NR5A2: variants seen among roughly 807,000 people sequenced by gnomAD.
NR5A2 encodes nuclear receptor subfamily 5 group A member 2.
NR5A2 carries 26 observed loss-of-function variants against 62.7 expected under a neutral mutation model. The observed-to-expected ratio is 0.41, with a 90% CI of 0.30 to 0.58. NR5A2 has a LOEUF of 0.58. Among genes scored for constraint, NR5A2 ranks in the 20% least tolerant of loss-of-function variants. The probability of loss-of-function intolerance (pLI) is 0.22; values close to 1 mark genes in which losing one functional copy is unlikely to be tolerated. For missense variants in NR5A2, 541 were observed against 669.1 expected (o/e 0.81, Z 2.11); for synonymous variants, 246 against 241.7 (o/e 1.02, Z -0.16).
chr1:200,101,428 A>T (rs1025815771), intron 5 of NR5A2, among the ~76,000 whole-genome samples: 1 of 152,172 alleles, frequency 6.6e-6, no homozygotes, highest in African/African-American at 2.4e-5. Context: ...TAGGCTATGA[A>T]GTTTGTCAAT....
rs1667767190 is a variant in NR5A2 at position 200,147,599 on chromosome 1, G to C, written c.1379-26364G>C. Reference sequence around the variant, plus strand: ...TCCTCTACACGAACGCTAGGGCAGAGCACATTTTCGCACAGGCAGCGCCGC... The same window carrying C: ...TCCTCTACACGAACGCTAGGGCAGACCACATTTTCGCACAGGCAGCGCCGC... On this transcript the variant is annotated intron_variant, in intron 7 of 7. Transcript: ENST00000367362. The surrounding 1 kb of genome is among the most constrained non-coding windows in gnomAD (Gnocchi z 4.9). 5.6e-6 allele frequency: 4 copies of C among 713,902 alleles called. No homozygotes were observed. The highest frequency in any genetic ancestry group is 1.8e-5 in the African/African-American group (1 of 56,782). 44.2% of individuals were successfully genotyped at this position (713,902 alleles called of 1,614,324 possible). A position where few individuals can be genotyped will look rare whatever the true frequency, so the allele number is the denominator to read the frequency against.
At chr1:200,110,408 T>C (rs1299489454) in intron 5 of NR5A2, among the ~76,000 whole-genome samples, 1 of 152,208 alleles carries the variant, frequency 6.6e-6, no homozygotes, top group Non-Finnish European at 1.5e-5. Flanking sequence ...CATTTGTCAT[T>C]GAAGAATGCA....
chr1:200,028,037 A>G (rs1661408213), intron 1 of NR5A2, 126 bp downstream of exon 1: 4 of 602,026 alleles, frequency 6.6e-6, no homozygotes, highest in Non-Finnish European at 8.5e-6. Context: ...AAAGCACACA[A>G]TAAGCCTATG....
At chr1:200,071,603 G>T (rs977130636) in intron 5 of NR5A2, among the ~76,000 whole-genome samples, 10 of 152,190 alleles carry the variant, frequency 6.6e-5, no homozygotes, top group Non-Finnish European at 1.3e-4. Flanking sequence ...GTTTGATCAG[G>T]TTTAGAGCAG....
chr1:200,126,523 A>G (rs947652391), intron 7 of NR5A2, among the ~76,000 whole-genome samples: 3 of 152,184 alleles, frequency 2.0e-5, no homozygotes, highest in Admixed American at 1.3e-4. Context: ...AAAAAGAAAA[A>G]AATAATGGGA....
chr1:200,031,533 A>C (rs1449879303), intron 1 of NR5A2, among the ~76,000 whole-genome samples: 1 of 151,176 alleles, frequency 6.6e-6, no homozygotes, highest in South Asian at 2.1e-4. Flanking sequence ...AAAACAAAAC[A>C]AAACAAAACA....
At chr1:200,070,022 A>G (rs1217940132) in intron 5 of NR5A2, among the ~76,000 whole-genome samples, 1 of 151,752 alleles carries the variant, frequency 6.6e-6, no homozygotes, top group South Asian at 2.1e-4. Flanking sequence ...TTTTTTTTTA[A>G]GTCGTCTTTA....
intron 7 of NR5A2, among the ~76,000 whole-genome samples, chr1:200,144,688 G>A (rs961908250): frequency 6.6e-6 from 1 of 152,142 alleles, no homozygotes; most frequent in Non-Finnish European, 1.5e-5. Flanking sequence ...GATGTTAACT[G>A]TTTATTAAGA....
chr1:200,176,404 C>T lies in NR5A2; in HGVS notation c.*2194C>T, dbSNP rs1454806458. 2 of 152,622 alleles carry T rather than the reference C, an allele frequency of 1.3e-5. No homozygotes were observed. The highest frequency in any genetic ancestry group is 3.9e-4 in the East Asian group (2 of 5,188). 9.5% of individuals were successfully genotyped at this position (152,622 alleles called of 1,614,324 possible). ...CAGTCTCAGTCACCCGTGTTATCTT[C>T]GTGGCTCAAAGGACAATGCAAAATC... On this transcript the variant is annotated 3_prime_UTR_variant, in exon 8 of 8. Coordinates refer to ENST00000367362, the MANE Select transcript of NR5A2 (RefSeq NM_205860.3).
chr1:200,117,849 G>A (rs1214376811), intron 6 of NR5A2, among the ~76,000 whole-genome samples: 1 of 151,854 alleles, frequency 6.6e-6, no homozygotes, highest in East Asian at 1.9e-4. Context: ...AAGTAGCTGG[G>A]ATTACAGGCA....
chr1:200,052,834 G>A (rs1367593485), intron 5 of NR5A2, among the ~76,000 whole-genome samples: 2 of 152,042 alleles, frequency 1.3e-5, no homozygotes, highest in African/African-American at 4.8e-5. Flanking sequence ...TAGAGACGGT[G>A]TTTCACCGTG....
At chr1:200,109,332 C>G (rs1665831631) in intron 5 of NR5A2, among the ~76,000 whole-genome samples, 1 of 152,190 alleles carries the variant, frequency 6.6e-6, no homozygotes, top group African/African-American at 2.4e-5. Context: ...CATGATCCTC[C>G]AGTTGGGAGC....
rs139824700 is a variant in NR5A2 at position 200,154,232 on chromosome 1, T to TA, written c.1379-19729dup. Reference sequence around the variant, plus strand: ...GCAGTCCTGAAGTTGTGTGTGTGTGTAAGCATGATTAAGAGTACTTTTGTG... The same window carrying TA: ...GCAGTCCTGAAGTTGTGTGTGTGTGTAAAGCATGATTAAGAGTACTTTTGTG... On this transcript the variant is annotated intron_variant, in intron 7 of 7. Coordinates refer to ENST00000367362, the MANE Select transcript of NR5A2 (RefSeq NM_205860.3). 3.3e-3 allele frequency among the ~76,000 whole-genome samples: 506 copies of TA among 152,332 alleles called. 1 individual carries two copies. The highest frequency in any genetic ancestry group is 0.012 in the African/African-American group (495 of 41,568).
chr1:200,066,489 C>G (rs914077630), intron 5 of NR5A2, among the ~76,000 whole-genome samples: 3 of 152,052 alleles, frequency 2.0e-5, no homozygotes, highest in African/African-American at 7.3e-5. Flanking sequence ...GAAGGCACAG[C>G]TCGACCACTC....
At chr1:200,135,985 TA>T (rs1667205065) in intron 7 of NR5A2, among the ~76,000 whole-genome samples, 1 of 152,234 alleles carries the variant, frequency 6.6e-6, no homozygotes, top group Non-Finnish European at 1.5e-5. Flanking sequence ...TTTGATCTAC[TA>T]ACCAAAGGCA....
Position 200,088,875 on chromosome 1 carries a change from C to T in NR5A2, c.1111-22327C>T, listed in dbSNP as rs142367420. On this transcript the variant is annotated intron_variant, in intron 5 of 7. Transcript: ENST00000367362. The stretch of plus-strand genomic sequence containing the variant: ...TTAGCCACATCTTCTCAGCCCTCAT[C>T]CTCTCTCCCCATTTTAATCCTTGGC... 3.2e-3 allele frequency among the ~76,000 whole-genome samples: 490 copies of T among 152,266 alleles called. 5 individuals carry two copies. The highest frequency in any genetic ancestry group is 0.011 in the African/African-American group (465 of 41,546).
intron 5 of NR5A2, among the ~76,000 whole-genome samples, chr1:200,090,942 G>A (rs1664788445): frequency 1.3e-5 from 2 of 152,172 alleles, no homozygotes; most frequent in Non-Finnish European, 2.9e-5. Flanking sequence ...CTTAACCTGT[G>A]TTCTGGTGCC....
rs199599576 is a variant in NR5A2 at position 200,059,456 on chromosome 1, C to G, written c.1110+10638C>G. Among the ~76,000 whole-genome samples, 4 of 152,158 alleles carry G rather than the reference C, an allele frequency of 2.6e-5. No individual in the cohort carries two copies. In the East Asian group the frequency reaches 7.7e-4, roughly 29 times the overall value. The stretch of plus-strand genomic sequence containing the variant: ...CTTGTTTGCTGAGAATAATTAGGGT[C>G]CCTGCTTATTCCAGTACTTATGCTT... On this transcript the variant is annotated intron_variant, in intron 5 of 7. Coordinates refer to ENST00000367362, the MANE Select transcript of NR5A2 (RefSeq NM_205860.3).
At chr1:200,103,906 A>T (rs1665515960) in intron 5 of NR5A2, among the ~76,000 whole-genome samples, 2 of 152,204 alleles carry the variant, frequency 1.3e-5, no homozygotes, top group Admixed American at 1.3e-4. Context: ...ACAGAACAAG[A>T]GGGAGAAGTA....
Sources: allele counts gnomAD v4.1 joint callset (sites outside exome capture counted in the v4.1 genomes callset), GRCh38; gene constraint gnomAD v4.1.1; non-coding constraint Gnocchi (gnomAD v3.1); transcripts MANE v1.5; gene names NCBI Gene and HGNC (gene_info 2026-07-23, HGNC 2026-07-21).